The following IL11RA variants were observed in gnomAD, a reference collection of about 807,000 sequenced individuals.
IL11RA encodes the protein interleukin-11 receptor subunit alpha.
IL11RA carries 51 observed loss-of-function variants against 57.0 expected under a neutral mutation model. That is an observed-to-expected ratio of 0.89 (90% CI 0.71 to 1.13). IL11RA has a LOEUF of 1.13. Among genes scored for constraint, IL11RA ranks in the 50% most tolerant of loss-of-function variants. The pLI, the probability that IL11RA is intolerant of heterozygous loss-of-function variation, is 0.00. For synonymous variants in IL11RA, 199 were observed against 217.5 expected, an observed-to-expected ratio of 0.91 and a Z score of 0.75; for missense variants, 498 against 539.4, an observed-to-expected ratio of 0.92 and a Z score of 0.76.
chr9:34,660,562 C>T lies in IL11RA; in HGVS notation c.1131C>T (p.Phe377=). 1 of 1,614,176 alleles carries T rather than the reference C, an allele frequency of 6.2e-7. No individual in the cohort carries two copies. The part of the protein sequence containing the change: ...AVLASLGILS[F]LGLVAGALAL... Reference sequence around the variant, plus strand: ...TGGCGTCTTTGGGAATCCTTTCTTTCCTGGGACTGGTGGCTGGGGCCCTGG... The same window carrying T: ...TGGCGTCTTTGGGAATCCTTTCTTTTCTGGGACTGGTGGCTGGGGCCCTGG... The change falls in exon 11 of 13, where the codon TTC becomes TTT. Residue 377 remains phenylalanine (F), a synonymous_variant. Transcript: ENST00000441545.
chr9:34,654,152 C>T (rs1821298965), intron 1 of IL11RA: 1 of 153,086 alleles, frequency 6.5e-6, no homozygotes, highest in Non-Finnish European at 1.5e-5. Flanking sequence ...GTCTTGTTCC[C>T]AGAGCCCTTT....
chr9:34,656,033 A>C (rs959808435), intron 3 of IL11RA: 8 of 266,688 alleles, frequency 3.0e-5, no homozygotes, highest in East Asian at 1.9e-4. Flanking sequence ...CTGAGTGGTT[A>C]CTTTTTTTTT....
rs1258408605 is a variant in IL11RA, at chr9:34,658,683, G to A, written c.810G>A (p.Thr270=). Residue 270 remains threonine (T), a splice_region_variant and synonymous_variant, in exon 8 of 13, where the codon ACG becomes ACA. Coordinates refer to ENST00000441545, the MANE Select transcript of IL11RA (RefSeq NM_001142784.3). The surrounding 1 kb of genome is among the most constrained non-coding windows in gnomAD (Gnocchi z 4.0). ...YRPAQHPAWS[T]VEPAGLEEVI... ...CGGCGCAGCATCCAGCCTGGTCCAC[G>A]GTGAGGCCTGGAGTGCGTCCCAACC... The A allele has an allele frequency of 3.6e-5, 58 of 1,611,738 alleles. No individual in the cohort carries two copies. Among genetic ancestry groups the A allele is most frequent in the Non-Finnish European group, 4.4e-5 (52 of 1,180,026 alleles).
At chr9:34,660,240 G>A (rs200669689) in intron 9 of IL11RA, 34 bp from the exon 10 acceptor site, 93 of 1,613,958 alleles carry the variant, frequency 5.8e-5, no homozygotes, top group East Asian at 8.9e-5. Flanking sequence ...CCCCACCAGC[G>A]TATGGACACT....
At chr9:34,659,566 C>T (rs1046928452) in intron 8 of IL11RA, among the ~76,000 whole-genome samples, 193 bp from the exon 9 acceptor site, 5 of 152,188 alleles carry the variant, frequency 3.3e-5, no homozygotes, top group Non-Finnish European at 7.3e-5. Flanking sequence ...GCCACAGCCT[C>T]TCTAAGTAAT....
In IL11RA at chr9:34,660,224, C is replaced by T. The variant is rs200018154; in HGVS notation, c.953-50C>T. The T allele has an allele frequency of 4.5e-5, 72 of 1,613,582 alleles. No homozygotes were observed. The Middle Eastern group carries it at 4.9e-4, about 11-fold the overall frequency. On this transcript the variant is annotated intron_variant, in intron 9 of 12. Coordinates refer to ENST00000441545, the MANE Select transcript of IL11RA (RefSeq NM_001142784.3). The stretch of plus-strand genomic sequence containing the variant: ...CTTGGCCTTGAGCACAGGACGTGAC[C>T]CCCGTCCCCACCAGCGTATGGACAC...
intron 7 of IL11RA, among the ~76,000 whole-genome samples, chr9:34,657,927 G>A (rs1218352738): frequency 3.3e-5 from 5 of 152,222 alleles, no homozygotes; most frequent in Non-Finnish European, 5.9e-5. Flanking sequence ...ACTCTAGCTG[G>A]AATTTGGGCC....
intron 7 of IL11RA, among the ~76,000 whole-genome samples, chr9:34,657,991 C>A (rs1587247417): frequency 6.6e-6 from 1 of 152,192 alleles, no homozygotes; most frequent in African/African-American, 2.4e-5. Flanking sequence ...ACTCAAGAAG[C>A]ACTTCAAAAG....
chr9:34,655,856 C>G, intron 3 of IL11RA, 191 bp downstream of exon 3: 1 of 655,942 alleles, frequency 1.5e-6, no homozygotes, highest in South Asian at 1.6e-5. Context: ...TGCCAAGTGC[C>G]AGGTCTATTC....
chr9:34,658,668 T>G lies in IL11RA; in HGVS notation c.795T>G (p.His265Gln), dbSNP rs772954222. Residue 265 changes from histidine (H) to glutamine (Q), a missense_variant, in exon 8 of 13, where the codon CAT (histidine) becomes CAG (glutamine). Physicochemically the swap from His to Gln is conservative, Grantham distance 24. Transcript: ENST00000441545. This position sits in a 1 kb window ranked among gnomAD's most constrained non-coding sequence, Gnocchi z 4.0. ...KFRLQYRPAQ[H>Q]PAWSTVEPAG... Reference sequence around the variant, plus strand: ...GTTTGCAGTACCGTCCGGCGCAGCATCCAGCCTGGTCCACGGTGAGGCCTG... The same window carrying G: ...GTTTGCAGTACCGTCCGGCGCAGCAGCCAGCCTGGTCCACGGTGAGGCCTG... 1.2e-6 allele frequency: 2 copies of G among 1,612,922 alleles called. No individual in the cohort carries two copies. The highest frequency in any genetic ancestry group is 4.5e-5 in the East Asian group (2 of 44,882).
chr9:34,655,505 C>T (rs963952233), intron 2 of IL11RA, 100 bp from the exon 3 acceptor site: 43 of 1,088,338 alleles, frequency 4.0e-5, no homozygotes, highest in Non-Finnish European at 6.1e-5. Flanking sequence ...CAGTGAGCCC[C>T]CCACCACCCA....
chr9:34,659,992 C>A, intron 9 of IL11RA, 92 bp downstream of exon 9: 2 of 1,485,802 alleles, frequency 1.3e-6, no homozygotes, highest in Non-Finnish European at 1.9e-6. Flanking sequence ...GTGGCACATG[C>A]CCTGCCCACA....
intron 8 of IL11RA, 113 bp from the exon 9 acceptor site, chr9:34,659,646 A>C: frequency 7.7e-7 from 1 of 1,297,244 alleles, no homozygotes; most frequent in Admixed American, 1.7e-5. Flanking sequence ...AGACCTAGAC[A>C]GCTCCACTAG....
At chr9:34,657,873 T>C (rs781437031) in intron 7 of IL11RA, among the ~76,000 whole-genome samples, 26 of 152,260 alleles carry the variant, frequency 1.7e-4, no homozygotes, top group Non-Finnish European at 3.2e-4. Flanking sequence ...CCTCCCTTGC[T>C]GGCCCCTCCT....
intron 12 of IL11RA, 23 bp from the exon 13 acceptor site, chr9:34,661,459 G>A: frequency 6.2e-7 from 1 of 1,613,350 alleles, no homozygotes; most frequent in Non-Finnish European, 8.5e-7. Flanking sequence ...TGTCTCTCCT[G>A]ATTTGCCTCC....
chr9:34,655,462 T>G (rs1006316264), intron 2 of IL11RA, 143 bp from the exon 3 acceptor site: 14 of 882,504 alleles, frequency 1.6e-5, no homozygotes, highest in Non-Finnish European at 2.4e-5. Context: ...TTCTCTGACC[T>G]CTGTCTCCAG....
intron 3 of IL11RA, among the ~76,000 whole-genome samples, chr9:34,656,423 C>T (rs1564104515): frequency 6.6e-6 from 1 of 152,170 alleles, no homozygotes; most frequent in Non-Finnish European, 1.5e-5. Context: ...GGCAGCCATG[C>T]ACACATTAAG....
In IL11RA at chr9:34,653,770, C is replaced by T. The variant is rs1044981599; in HGVS notation, c.1-1448C>T. ...CTTCCTTTCCAGACTTGGGGGAGGC[C>T]TCTTCCCTTCCCAGGGCCTTGGGTG... On this transcript the variant is annotated intron_variant, in intron 1 of 12. Transcript: ENST00000441545. This position sits in a 1 kb window ranked among gnomAD's most constrained non-coding sequence, Gnocchi z 4.5. The T allele has an allele frequency of 2.6e-5, 4 of 151,994 alleles. No individual in the cohort carries two copies. The highest frequency in any genetic ancestry group is 7.3e-5 in the African/African-American group (3 of 41,222). The allele number at this position is 151,994 out of a possible 1,614,324, so 9.4% of individuals were successfully genotyped here. A position where few individuals can be genotyped will look rare whatever the true frequency, so the allele number is the denominator to read the frequency against.
At chr9:34,654,859 T>C (rs1379461462) in intron 1 of IL11RA, among the ~76,000 whole-genome samples, 1 of 151,998 alleles carries the variant, frequency 6.6e-6, no homozygotes, top group Non-Finnish European at 1.5e-5. Flanking sequence ...GCTGAGCTGG[T>C]GCCAGTGCTT....
Sources: gnomAD v4.1 joint callset for allele counts (sites outside exome capture counted in the v4.1 genomes callset) on GRCh38, gnomAD v4.1.1 for gene constraint, Gnocchi (gnomAD v3.1) non-coding constraint, MANE v1.5 for transcripts, NCBI Gene and HGNC (gene_info 2026-07-23, HGNC 2026-07-21) for gene names.